GAB3: variants seen among roughly 807,000 people sequenced by gnomAD.
GAB3 encodes GRB2-associated-binding protein 3.
GAB3 carries 12 observed loss-of-function variants against 40.4 expected under a neutral mutation model. The ratio of observed to expected loss-of-function variants is 0.30; its 90% CI spans 0.19 to 0.48. The LOEUF (loss-of-function observed/expected upper bound fraction) is 0.48, where lower values mean the gene tolerates loss of function less well. Ranked by LOEUF, GAB3 falls within the 20% of genes least tolerant of loss-of-function variation. GAB3 has a pLI of 0.99. For synonymous variants in GAB3, 154 were observed against 176.7 expected, an observed-to-expected ratio of 0.87 and a Z score of 1.02; for missense variants, 381 against 461.9, an observed-to-expected ratio of 0.82 and a Z score of 1.61.
chrX:154,708,094 G>C (rs1423332614), intron 4 of GAB3, among the ~76,000 whole-genome samples: 2 of 112,091 alleles, frequency 1.8e-5, no homozygotes, highest in Non-Finnish European at 3.8e-5. Flanking sequence ...ACTATGCTTT[G>C]ACAAGAGAGC....
Position 154,716,150 on chromosome X carries a change from G to T in GAB3, c.252C>A (p.Phe84Leu). 4.1e-6 allele frequency: 5 copies of T among 1,212,128 alleles called. No homozygotes were observed. Among genetic ancestry groups the T allele is most frequent in the Non-Finnish European group, 5.6e-6 (5 of 895,478 alleles). ...SFVRKEFQNN[F>L]VFIVKTTSRT... is the part of the protein sequence containing the mutation. ...GGGAAGTAGTCTTGACAATGAACAC[G>T]AAATTATTCTGAAATTCCTTCCGAA... Residue 84 changes from phenylalanine (F) to leucine (L), a missense_variant, in exon 2 of 10, where the codon TTC becomes TTA. Phe to Leu is a conservative substitution (Grantham distance 22). This residue lies in a region of GAB3 where 364 missense variants were observed against 421.0 expected (regional missense o/e 0.86). Coordinates refer to ENST00000424127, the MANE Select transcript of GAB3 (RefSeq NM_001081573.3).
At chrX:154,705,225 T>A (rs950560312) in intron 4 of GAB3, among the ~76,000 whole-genome samples, 1 of 110,658 alleles carries the variant, frequency 9.0e-6, no homozygotes, top group Admixed American at 9.6e-5. Flanking sequence ...AGATGCAAAA[T>A]CTTCAACAAA....
rs369030436 is a variant in GAB3 at position 154,690,649 on chromosome X, T to C, written c.1530+5268A>G. On this transcript the variant is annotated intron_variant, in intron 8 of 9. Coordinates refer to ENST00000424127, the MANE Select transcript of GAB3 (RefSeq NM_001081573.3). ...TCGCAAAAGAAGATATTTATGCAGC[T>C]AAAAAACACATGAAAAAATGCTCAC... Among the ~76,000 whole-genome samples the C allele has an allele frequency of 1.8e-5, 2 of 111,888 alleles. 1 individual carries two copies. The highest frequency in any genetic ancestry group is 6.5e-5 in the African/African-American group (2 of 30,669).
intron 4 of GAB3, among the ~76,000 whole-genome samples, chrX:154,709,953 G>C (rs5945232): frequency 0.28 from 30,525 of 110,846 alleles, 3,212 homozygotes; most frequent in South Asian, 0.41. Flanking sequence ...AGGTAAATGA[G>C]AATATGTTGG....
intron 1 of GAB3, among the ~76,000 whole-genome samples, chrX:154,741,371 G>A (rs994607844): frequency 4.5e-5 from 5 of 111,502 alleles, no homozygotes; most frequent in Non-Finnish European, 5.7e-5. Context: ...CCCAAGACTG[G>A]GTAATTTATA....
chrX:154,731,919 A>G (rs1160276182), intron 1 of GAB3, among the ~76,000 whole-genome samples: 2 of 112,571 alleles, frequency 1.8e-5, no homozygotes, highest in Non-Finnish European at 3.8e-5. Context: ...TTCTATACAT[A>G]TGCAGAAACT....
intron 1 of GAB3, among the ~76,000 whole-genome samples, chrX:154,734,807 G>C (rs148648387): frequency 3.3e-4 from 37 of 112,347 alleles, no homozygotes; most frequent in African/African-American, 1.2e-3. Context: ...CCCAGCCAAG[G>C]CTTCCCAGCA....
chrX:154,711,400 T>C (rs1557255961), intron 4 of GAB3, among the ~76,000 whole-genome samples: 2 of 111,441 alleles, frequency 1.8e-5, no homozygotes, highest in African/African-American at 6.5e-5. Flanking sequence ...AGCAAAGCAG[T>C]AAAGAAGAGG....
Position 154,712,531 on chromosome X carries a change from G to C in GAB3, c.767C>G (p.Ala256Gly). The change falls in exon 4 of 10, where the codon GCC (alanine) becomes GGC (glycine). Residue 256 changes from alanine (A) to glycine (G), a missense_variant. By Grantham distance (60) the Ala-to-Gly change is moderately conservative (BLOSUM62 0). Coordinates refer to ENST00000424127, the MANE Select transcript of GAB3 (RefSeq NM_001081573.3). ...QEVPSSRPQA[A>G]LIWSREINGP... ...ATTGATTTCTCTACTCCAGATCAGG[G>C]CAGCCTGAGGCCTCGAGGATGGCAC... 1 of 1,193,106 alleles carries C rather than the reference G, an allele frequency of 8.4e-7. No individual in the cohort carries two copies.
chrX:154,749,675 C>T (rs1456510681), intron 1 of GAB3, among the ~76,000 whole-genome samples: 2 of 112,285 alleles, frequency 1.8e-5, no homozygotes, highest in African/African-American at 6.5e-5. Flanking sequence ...ATAGAACAAC[C>T]TTCCTCTAAA....
chrX:154,712,237 G>C lies in GAB3; in HGVS notation c.1061C>G (p.Thr354Ser). ...TAGGACCCAACACTTACCTTTCCAG[G>C]TTCTCATGTTGTCTAAACCAGAGAG... ...ISLSGLDNMR[T>S]WKADVEGQSL... The change falls in exon 4 of 10, where the codon ACC becomes AGC. Residue 354 changes from threonine to serine, a missense_variant. Transcript: ENST00000424127. 1 of 1,179,612 alleles carries C rather than the reference G, an allele frequency of 8.5e-7. No homozygotes were observed. The highest frequency in any genetic ancestry group is 1.1e-6 in the Non-Finnish European group (1 of 874,608).
chrX:154,676,016 G>A lies in GAB3; in HGVS notation c.*2162C>T, dbSNP rs2148403279. ...AATTTTTAAAATTCTGACCCCTATCGCCTTCCATACCTTTAATGTAGAGAG... is the reference window on the plus strand; with the variant it reads ...AATTTTTAAAATTCTGACCCCTATCACCTTCCATACCTTTAATGTAGAGAG... On this transcript the variant is annotated 3_prime_UTR_variant, in exon 10 of 10. Transcript: ENST00000424127. 1 of 111,674 alleles carries A rather than the reference G, an allele frequency of 9.0e-6. No individual in the cohort carries two copies. Among genetic ancestry groups the A allele is most frequent in the African/African-American group, 3.3e-5 (1 of 30,717 alleles). The allele number at this position is 111,674 out of a possible 1,213,427, so 9.2% of individuals were successfully genotyped here.
intron 1 of GAB3, among the ~76,000 whole-genome samples, chrX:154,734,467 T>C (rs886898103): frequency 2.7e-5 from 3 of 112,592 alleles, no homozygotes; most frequent in Non-Finnish European, 3.8e-5. Context: ...AATGCTAATG[T>C]TGTAACAGAG....
intron 8 of GAB3, among the ~76,000 whole-genome samples, chrX:154,684,650 T>C (rs924792170): frequency 8.9e-6 from 1 of 112,027 alleles, no homozygotes; most frequent in Non-Finnish European, 1.9e-5. Flanking sequence ...TTTGTTATTT[T>C]GTTAGTTTCT....
At chrX:154,746,022 A>G (rs1235073292) in intron 1 of GAB3, among the ~76,000 whole-genome samples, 1 of 104,230 alleles carries the variant, frequency 9.6e-6, no homozygotes, top group Admixed American at 1.0e-4. Flanking sequence ...ACTGCACTTC[A>G]GCCTGGGTGA....
intron 1 of GAB3, among the ~76,000 whole-genome samples, chrX:154,733,544 C>T (rs1231768361): frequency 2.7e-5 from 3 of 111,722 alleles, no homozygotes; most frequent in African/African-American, 6.5e-5. Flanking sequence ...GTTGGAGAAC[C>T]GACTGAATAA....
intron 1 of GAB3, among the ~76,000 whole-genome samples, chrX:154,748,718 G>C (rs782024420): frequency 1.4e-4 from 16 of 112,086 alleles, no homozygotes; most frequent in Non-Finnish European, 2.8e-4. Context: ...CCAATAACTA[G>C]TTTTGCTATG....
At chrX:154,681,297 G>A (rs1280482715) in intron 8 of GAB3, among the ~76,000 whole-genome samples, 1 of 111,674 alleles carries the variant, frequency 9.0e-6, no homozygotes, top group Admixed American at 9.5e-5. Flanking sequence ...CCTGAGACAG[G>A]TAAAATGGTA....
chrX:154,704,298 A>AT (rs2070777110), intron 4 of GAB3, among the ~76,000 whole-genome samples: 1 of 111,359 alleles, frequency 9.0e-6, no homozygotes, highest in South Asian at 3.8e-4. Flanking sequence ...TGGTTAATAG[A>AT]TACACAAATT....
Sources: gnomAD v4.1 joint callset for allele counts (sites outside exome capture counted in the v4.1 genomes callset) on GRCh38, gnomAD v4.1.1 for gene constraint, gnomAD v4.1.1 regional missense constraint, MANE v1.5 for transcripts, NCBI Gene and HGNC (gene_info 2026-07-23, HGNC 2026-07-21) for gene names.